Variants in ZNF710 observed in about 807,000 individuals in gnomAD.
The protein encoded by ZNF710 is zinc finger protein 710.
In ZNF710, 13 loss-of-function variants were observed where a neutral mutation model predicts 50.6. That is an observed-to-expected ratio of 0.26 (90% CI 0.17 to 0.41). The LOEUF is 0.41. Ranked by LOEUF, ZNF710 falls within the 10% of genes least tolerant of loss-of-function variation. The pLI is 1.00. For synonymous variants in ZNF710, 383 were observed against 397.0 expected (o/e 0.96, Z 0.42); for missense variants, 721 against 936.6 (o/e 0.77, Z 3.01).
intron 1 of ZNF710, among the ~76,000 whole-genome samples, chr15:90,006,483 G>A (rs937438252): frequency 2.0e-5 from 3 of 152,160 alleles, no homozygotes; most frequent in Non-Finnish European, 2.9e-5. Flanking sequence ...TCCCGTCCTC[G>A]TGAAGCTTGC....
chr15:90,081,425 G>A lies in ZNF710; in HGVS notation c.*1596G>A, dbSNP rs1467257811. On this transcript the variant is annotated 3_prime_UTR_variant, in exon 5 of 5. Transcript: ENST00000268154. ...CCACTAGCTTCAGCCTAGAAACCCG[G>A]AGAAGGGAACAGCCTGCGGTGGGAG... 1 of 152,250 alleles carries A rather than the reference G, an allele frequency of 6.6e-6. No individual in the cohort carries two copies. 9.4% of individuals were successfully genotyped at this position (152,250 alleles called of 1,614,324 possible). A position where few individuals can be genotyped will look rare whatever the true frequency, so the allele number is the denominator to read the frequency against.
rs541484083 is a variant in ZNF710 at position 90,068,220 on chromosome 15, G to T, written c.1083G>T (p.Thr361=). The stretch of plus-strand genomic sequence containing the variant: ...GCCAGGTATGCCACAAGGCCTTCAC[G>T]CAGACCAGCCACCTCAAGCGCCACA... ...HKCQVCHKAF[T]QTSHLKRHML... is the part of the protein sequence containing the mutation. Residue 361 remains threonine, a synonymous_variant, in exon 2 of 5, where the codon ACG becomes ACT. Transcript: ENST00000268154. This position sits in a 1 kb window ranked among gnomAD's most constrained non-coding sequence, Gnocchi z 5.0. The T allele has an allele frequency of 6.2e-7, 1 of 1,613,670 alleles. No individual in the cohort carries two copies. Among genetic ancestry groups the T allele is most frequent in the Non-Finnish European group, 8.5e-7 (1 of 1,180,000 alleles).
rs577865099 is a variant in ZNF710, at chr15:90,065,232, G to C, written c.-28-1878G>C. ...AAGGGGAAGCTCCGCTGGGCGCTGG[G>C]GGGAGGGGGACGCCTTGCCCGGAGC... On this transcript the variant is annotated intron_variant, in intron 1 of 4. Coordinates refer to ENST00000268154, the MANE Select transcript of ZNF710 (RefSeq NM_198526.4). 5.3e-5 allele frequency among the ~76,000 whole-genome samples: 8 copies of C among 152,318 alleles called. No individual in the cohort carries two copies. In the South Asian group the frequency reaches 8.3e-4, roughly 16 times the overall value.
rs1052023009 is a variant in ZNF710 at position 90,016,920 on chromosome 15, C to G, written c.-29+15306C>G. On this transcript the variant is annotated intron_variant, in intron 1 of 4. Transcript: ENST00000268154. ...GCCCAGCCAGCCACATCAGACACTTCGAGGAGGATTACGGATTGGCTCTGC... is the reference window on the plus strand; with the variant it reads ...GCCCAGCCAGCCACATCAGACACTTGGAGGAGGATTACGGATTGGCTCTGC... Among the ~76,000 whole-genome samples the G allele has an allele frequency of 2.0e-5, 3 of 152,220 alleles. No homozygotes were observed. In the East Asian group the frequency reaches 5.8e-4, roughly 29 times the overall value.
chr15:90,006,860 G>A lies in ZNF710; in HGVS notation c.-29+5246G>A, dbSNP rs1898153018. On this transcript the variant is annotated intron_variant, in intron 1 of 4. Coordinates refer to ENST00000268154, the MANE Select transcript of ZNF710 (RefSeq NM_198526.4). ...TGGTAATGTCTGTAAAGCACTGATG[G>A]ACTCAAAAGTACTGAAATGACAGGT... 2.6e-5 allele frequency: 4 copies of A among 154,958 alleles called. No individual in the cohort carries two copies. In the South Asian group the frequency reaches 8.1e-4, roughly 31 times the overall value. 9.6% of individuals were successfully genotyped at this position (154,958 alleles called of 1,614,324 possible).
chr15:90,000,919 A>T (rs941451220), upstream of ZNF710, among the ~76,000 whole-genome samples: 1 of 151,394 alleles, frequency 6.6e-6, no homozygotes, highest in South Asian at 2.1e-4. Flanking sequence ...CGGGCCCCCC[A>T]TTTCCAAGCG....
chr15:90,052,978 C>T (rs1316142987), intron 1 of ZNF710, among the ~76,000 whole-genome samples: 1 of 151,344 alleles, frequency 6.6e-6, no homozygotes, highest in Non-Finnish European at 1.5e-5. Context: ...ATGTCTATCT[C>T]CCTGGGACAG....
chr15:90,047,625 G>A (rs1034706744), intron 1 of ZNF710, among the ~76,000 whole-genome samples: 21 of 138,612 alleles, frequency 1.5e-4, no homozygotes, highest in Admixed American at 6.9e-4. Flanking sequence ...TTGCTCTGTC[G>A]CCAGGCTGGG....
At chr15:90,051,856 C>T (rs140951753) in intron 1 of ZNF710, among the ~76,000 whole-genome samples, 288 of 152,224 alleles carry the variant, frequency 1.9e-3, no homozygotes, top group African/African-American at 6.6e-3. Context: ...AGTGATTAGA[C>T]CCTTCTCCTG....
At chr15:90,028,975 A>G (rs1898855952) in intron 1 of ZNF710, among the ~76,000 whole-genome samples, 1 of 152,224 alleles carries the variant, frequency 6.6e-6, no homozygotes, top group South Asian at 2.1e-4. Context: ...AGGAGTATTC[A>G]TGTTTTTCTC....
chr15:90,079,778 T>TA lies in ZNF710; in HGVS notation c.1944_1945insA (p.Val649SerfsTer4). The stretch of plus-strand genomic sequence containing the variant: ...GCGTGGACAGCAGCGCCGAGGCCAG[T>TA]GTCCTCACTGAACAGGCCATGAAAG... On this transcript the variant is annotated frameshift_variant, in exon 5 of 5. Coordinates refer to ENST00000268154, the MANE Select transcript of ZNF710 (RefSeq NM_198526.4). LOFTEE classifies it high-confidence loss of function. 6.2e-7 allele frequency: 1 copy of TA among 1,612,758 alleles called. No homozygotes were observed. The highest frequency in any genetic ancestry group is 8.5e-7 in the Non-Finnish European group (1 of 1,179,552).
intron 1 of ZNF710, among the ~76,000 whole-genome samples, chr15:90,052,668 C>T (rs559632699): frequency 1.3e-5 from 2 of 152,332 alleles, no homozygotes; most frequent in South Asian, 2.1e-4. Context: ...CGGTGGCTCA[C>T]GCCTGTAATC....
chr15:90,067,073 G>C lies in ZNF710; in HGVS notation c.-28-37G>C, dbSNP rs1051065445. 1.3e-6 allele frequency: 2 copies of C among 1,529,374 alleles called. No homozygotes were observed. The highest frequency in any genetic ancestry group is 2.8e-5 in the African/African-American group (2 of 72,236). The allele number at this position is 1,529,374 out of a possible 1,614,324, so 94.7% of individuals were successfully genotyped here. A position where few individuals can be genotyped will look rare whatever the true frequency, so the allele number is the denominator to read the frequency against. On this transcript the variant is annotated intron_variant, in intron 1 of 4. Coordinates refer to ENST00000268154, the MANE Select transcript of ZNF710 (RefSeq NM_198526.4). This position sits in a 1 kb window ranked among gnomAD's most constrained non-coding sequence, Gnocchi z 8.1. ...GTCTGTTGTCTGTCTGTGCAGGAGT[G>C]AGCCAGCAATATTAACCTTCCCTTC...
In ZNF710 at chr15:90,059,238, G is replaced by A. The variant is rs1369468182; in HGVS notation, c.-28-7872G>A. Among the ~76,000 whole-genome samples, 1 of 152,220 alleles carries A rather than the reference G, an allele frequency of 6.6e-6. No homozygotes were observed. The highest frequency in any genetic ancestry group is 1.5e-5 in the Non-Finnish European group (1 of 68,034). On this transcript the variant is annotated intron_variant, in intron 1 of 4. Coordinates refer to ENST00000268154, the MANE Select transcript of ZNF710 (RefSeq NM_198526.4). This position sits in a 1 kb window ranked among gnomAD's most constrained non-coding sequence, Gnocchi z 4.1. ...AATCAGCCTGTGCAGAGGCCCCAAGGTAGGAAACATCGGTGAGTTGGGGGC... is the reference window on the plus strand; with the variant it reads ...AATCAGCCTGTGCAGAGGCCCCAAGATAGGAAACATCGGTGAGTTGGGGGC...
Position 90,067,723 on chromosome 15 carries a change from C to A in ZNF710, c.586C>A (p.Arg196=). ...TGACCCTCACTTCCCGGCCCCGGCCCGGGATGGCTTCCCCGAGCCCAGCAT... is the reference window on the plus strand; with the variant it reads ...TGACCCTCACTTCCCGGCCCCGGCCAGGGATGGCTTCCCCGAGCCCAGCAT... ...PYDPHFPAPA[R]DGFPEPSMAL... is the part of the protein sequence containing the mutation. The change falls in exon 2 of 5, where the codon CGG becomes AGG. Residue 196 remains arginine, a synonymous_variant. Transcript: ENST00000268154. The surrounding 1 kb of genome is among the most constrained non-coding windows in gnomAD (Gnocchi z 8.1). 6.2e-7 allele frequency: 1 copy of A among 1,604,822 alleles called. No individual in the cohort carries two copies. The highest frequency in any genetic ancestry group is 8.5e-7 in the Non-Finnish European group (1 of 1,175,780).
Position 90,079,664 on chromosome 15 carries a change from C to A in ZNF710, c.1830C>A (p.Pro610=). The change falls in exon 5 of 5, where the codon CCC becomes CCA. Residue 610 remains proline, a synonymous_variant. Coordinates refer to ENST00000268154, the MANE Select transcript of ZNF710 (RefSeq NM_198526.4). The stretch of plus-strand genomic sequence containing the variant: ...GACTGTGCCCCTCTCTTACAGACCC[C>A]ATGATGGAGCTGACAGGCACTGACC... ...VMDIGLDSQD[P]MMELTGTDPS... The A allele has an allele frequency of 6.2e-7, 1 of 1,613,250 alleles. No homozygotes were observed. The highest frequency in any genetic ancestry group is 1.3e-5 in the African/African-American group (1 of 74,994).
intron 1 of ZNF710, among the ~76,000 whole-genome samples, chr15:90,042,689 G>A (rs1478695681): frequency 6.6e-6 from 1 of 152,210 alleles, no homozygotes; most frequent in Admixed American, 6.5e-5. Context: ...AAGGGGGACA[G>A]GGAACACTCA....
chr15:90,038,740 T>TGTGTGTGTGTGTGTGTGTGTGTGG (rs150950322), intron 1 of ZNF710, among the ~76,000 whole-genome samples: 1 of 148,528 alleles, frequency 6.7e-6, no homozygotes, highest in Admixed American at 6.7e-5. Context: ...TGTGTGTGTG[T>TGTGTGTGTGTGTGTGTGTGTGTGG]GAGACATTGG....
At chr15:90,053,839 C>T (rs7162233) in intron 1 of ZNF710, among the ~76,000 whole-genome samples, 71,902 of 151,828 alleles carry the variant, frequency 0.47, 20,986 homozygotes, top group African/African-American at 0.8. Context: ...GTGTGTTTTC[C>T]TCCTCCCTTC....
Sources: allele counts gnomAD v4.1 joint callset (sites outside exome capture counted in the v4.1 genomes callset), GRCh38; gene constraint gnomAD v4.1.1; non-coding constraint Gnocchi (gnomAD v3.1); transcripts MANE v1.5; gene names NCBI Gene and HGNC (gene_info 2026-07-23, HGNC 2026-07-21).